Variants in C2CD5 observed in about 807,000 individuals in gnomAD.
C2CD5 encodes C2 calcium dependent domain containing 5.
Under a neutral mutation model 130.3 loss-of-function variants are expected in C2CD5, and 109 were observed. That is an observed-to-expected ratio of 0.84 (90% CI 0.72 to 0.98). The LOEUF is 0.98. Ranked by LOEUF, C2CD5 falls within the 50% of genes least tolerant of loss-of-function variation. The probability of loss-of-function intolerance (pLI) is 0.00; values close to 1 mark genes in which losing one functional copy is unlikely to be tolerated. For missense variants in C2CD5, 996 were observed against 1,261.8 expected (o/e 0.79, Z 3.19); for synonymous variants, 454 against 429.2 (o/e 1.06, Z -0.71).
chr12:22,456,301 C>A (rs1245641886), intron 25 of C2CD5, among the ~76,000 whole-genome samples: 3 of 152,114 alleles, frequency 2.0e-5, no homozygotes, highest in African/African-American at 7.2e-5. Flanking sequence ...CCCTATTCAC[C>A]ATATTAATTT....
In C2CD5 at chr12:22,474,856, T is replaced by A; in HGVS notation, c.1938A>T (p.Pro646=). The A allele has an allele frequency of 6.2e-7, 1 of 1,605,048 alleles. No individual in the cohort carries two copies. Among genetic ancestry groups the A allele is most frequent in the Non-Finnish European group, 8.5e-7 (1 of 1,173,846 alleles). Residue 646 remains proline (P), a synonymous_variant, in exon 16 of 27, where the codon CCA becomes CCT. Transcript: ENST00000446597. ...GAAGTCTTGAGCGTTGCCTAGGTTC[T>A]GGGATGGGTGATCCTATAATCTCTT... The part of the protein sequence containing the change: ...ISEEIIGSPI[P]EPRQRSRLLR...
At chr12:22,515,634 T>C (rs1237567420) in intron 8 of C2CD5, among the ~76,000 whole-genome samples, 1 of 152,088 alleles carries the variant, frequency 6.6e-6, no homozygotes, top group Non-Finnish European at 1.5e-5. Flanking sequence ...TGAATATCCA[T>C]AAAAAATACT....
chr12:22,540,722 G>A (rs1055661122), intron 2 of C2CD5, among the ~76,000 whole-genome samples: 5 of 152,078 alleles, frequency 3.3e-5, no homozygotes, highest in East Asian at 1.9e-4. Flanking sequence ...AGCTGGGCGC[G>A]GAGGCAAGCA....
chr12:22,541,235 T>C (rs1013074482), intron 2 of C2CD5, among the ~76,000 whole-genome samples: 2 of 152,194 alleles, frequency 1.3e-5, no homozygotes, highest in African/African-American at 4.8e-5. Context: ...CTAGGAGTCA[T>C]CTTTTAATCT....
chr12:22,523,476 G>T lies in C2CD5; in HGVS notation c.750C>A (p.Ser250Arg), dbSNP rs777026684. 1 of 1,613,926 alleles carries T rather than the reference G, an allele frequency of 6.2e-7. No homozygotes were observed. Among genetic ancestry groups the T allele is most frequent in the South Asian group, 1.1e-5 (1 of 91,072 alleles). The stretch of plus-strand genomic sequence containing the variant: ...TACATGCAGGAAGGAATGCTGCTGG[G>T]CTACTTAATTTATCCAGAGTACACG... ...GTACTLDKLS[S>R]PAAFLPACNS... The change falls in exon 7 of 27, where the codon AGC becomes AGA. Residue 250 changes from serine (S) to arginine (R), a missense_variant. Physicochemically the swap from Ser to Arg is moderately radical, Grantham distance 110. Transcript: ENST00000446597.
intron 9 of C2CD5, among the ~76,000 whole-genome samples, chr12:22,511,579 T>C (rs754758590): frequency 4.6e-5 from 7 of 152,214 alleles, no homozygotes; most frequent in Non-Finnish European, 8.8e-5. Flanking sequence ...TTACTGTTAA[T>C]TCCATGAAGT....
chr12:22,481,368 C>G (rs117414215), intron 14 of C2CD5, among the ~76,000 whole-genome samples: 1 of 152,056 alleles, frequency 6.6e-6, no homozygotes, highest in Non-Finnish European at 1.5e-5. Context: ...CAAGAGAATT[C>G]AAATTTGAAA....
At chr12:22,461,940 C>T (rs1362454231) in intron 22 of C2CD5, among the ~76,000 whole-genome samples, 1 of 150,086 alleles carries the variant, frequency 6.7e-6, no homozygotes, top group East Asian at 1.9e-4. Flanking sequence ...GCCAGCTGGT[C>T]CCAGCAGCAG....
chr12:22,511,470 TAAA>T (rs1949187046), intron 9 of C2CD5, among the ~76,000 whole-genome samples: 1 of 152,194 alleles, frequency 6.6e-6, no homozygotes, highest in African/African-American at 2.4e-5. Context: ...AGTACTCTCA[TAAA>T]CTTAAGTAAC....
At chr12:22,515,431 T>C (rs1717644397) in intron 8 of C2CD5, among the ~76,000 whole-genome samples, 1 of 152,198 alleles carries the variant, frequency 6.6e-6, no homozygotes, top group South Asian at 2.1e-4. Context: ...CTAATAACTT[T>C]TAATTAATGT....
At chr12:22,541,281 C>G (rs780532321) in intron 2 of C2CD5, among the ~76,000 whole-genome samples, 2 of 152,092 alleles carry the variant, frequency 1.3e-5, no homozygotes, top group Non-Finnish European at 2.9e-5. Context: ...TCCACTTGTC[C>G]GCATTACCAA....
intron 2 of C2CD5, among the ~76,000 whole-genome samples, chr12:22,541,039 T>G (rs75009894): frequency 0.021 from 3,210 of 152,284 alleles, 120 homozygotes; most frequent in African/African-American, 0.07. Flanking sequence ...TGAGAAACAC[T>G]GGCTTGTGTG....
chr12:22,522,790 G>C (rs1950383155), intron 7 of C2CD5, among the ~76,000 whole-genome samples: 1 of 152,208 alleles, frequency 6.6e-6, no homozygotes, highest in South Asian at 2.1e-4. Flanking sequence ...TTATCTGGTA[G>C]AGGGTTTTAA....
intron 7 of C2CD5, among the ~76,000 whole-genome samples, chr12:22,522,624 C>A (rs1041832207): frequency 6.6e-6 from 1 of 152,074 alleles, no homozygotes; most frequent in African/African-American, 2.4e-5. Flanking sequence ...GTTTGCCAAC[C>A]TTGGCTTTAC....
At chr12:22,515,417 G>A (rs986179576) in intron 8 of C2CD5, among the ~76,000 whole-genome samples, 2 of 152,090 alleles carry the variant, frequency 1.3e-5, no homozygotes, top group Non-Finnish European at 2.9e-5. Context: ...GATTTTATGT[G>A]ATTCTAATAA....
intron 4 of C2CD5, among the ~76,000 whole-genome samples, chr12:22,527,382 G>A (rs543380746): frequency 1.4e-5 from 2 of 141,426 alleles, no homozygotes; most frequent in South Asian, 4.4e-4. Flanking sequence ...CACAGGACAC[G>A]ATCTCAGCTC....
In C2CD5 at chr12:22,500,843, T is replaced by C. The variant is rs539404424; in HGVS notation, c.1147+5868A>G. 5.9e-5 allele frequency among the ~76,000 whole-genome samples: 9 copies of C among 152,290 alleles called. No individual in the cohort carries two copies. The South Asian group carries it at 1.2e-3, about 21-fold the overall frequency. Reference sequence around the variant, plus strand: ...TTTTCTTTTTCTTGGAAGTCTGTTATTAAAATGATAATGCTTCATATAATA... The same window carrying C: ...TTTTCTTTTTCTTGGAAGTCTGTTACTAAAATGATAATGCTTCATATAATA... On this transcript the variant is annotated intron_variant, in intron 10 of 26. Transcript: ENST00000446597.
chr12:22,502,941 T>C (rs957835542), intron 10 of C2CD5: 10 of 582,874 alleles, frequency 1.7e-5, no homozygotes, highest in Admixed American at 3.2e-5. Context: ...GCAGAGTTAA[T>C]AAGAAGTAGA....
chr12:22,485,174 A>G (rs1447248175), intron 12 of C2CD5, among the ~76,000 whole-genome samples: 2 of 152,120 alleles, frequency 1.3e-5, no homozygotes, highest in Admixed American at 1.3e-4. Flanking sequence ...CTATCACCCC[A>G]AAGTTTTTTC....
Sources: gnomAD v4.1 joint callset for allele counts (sites outside exome capture counted in the v4.1 genomes callset) on GRCh38, gnomAD v4.1.1 for gene constraint, MANE v1.5 for transcripts, NCBI Gene and HGNC (gene_info 2026-07-23, HGNC 2026-07-21) for gene names.